The following ERLIN1 variants were observed in gnomAD, a reference collection of about 807,000 sequenced individuals.
ERLIN1 encodes erlin-1.
A neutral mutation model predicts 46.9 loss-of-function variants in ERLIN1; 24 were observed. The observed-to-expected ratio is 0.51, with a 90% CI of 0.37 to 0.72. ERLIN1 has a LOEUF of 0.72. Ranked by LOEUF, ERLIN1 falls within the 30% of genes least tolerant of loss-of-function variation. The probability of loss-of-function intolerance (pLI) is 0.00; values close to 1 mark genes in which losing one functional copy is unlikely to be tolerated. For missense variants in ERLIN1, 293 were observed against 417.9 expected (o/e 0.70, Z 2.61); for synonymous variants, 158 against 143.2 (o/e 1.10, Z -0.74).
chr10:100,183,418 A>T (rs1844775203), intron 2 of ERLIN1, among the ~76,000 whole-genome samples: 1 of 152,224 alleles, frequency 6.6e-6, no homozygotes, highest in South Asian at 2.1e-4. Flanking sequence ...CACTGTTCTA[A>T]ACCACATAAT....
intron 7 of ERLIN1, among the ~76,000 whole-genome samples, chr10:100,164,666 G>A (rs1843535665): frequency 6.6e-6 from 1 of 152,160 alleles, no homozygotes; most frequent in African/African-American, 2.4e-5. Flanking sequence ...TCTAATACAG[G>A]TTGAGCATTT....
chr10:100,154,702 T>C (rs1008269715), intron 10 of ERLIN1, among the ~76,000 whole-genome samples, 158 bp downstream of exon 10: 1 of 152,226 alleles, frequency 6.6e-6, no homozygotes, highest in African/African-American at 2.4e-5. Flanking sequence ...CCAATCAATG[T>C]GAAATATTTC....
chr10:100,175,751 GT>G (rs1844257513), intron 5 of ERLIN1, among the ~76,000 whole-genome samples, 193 bp downstream of exon 5: 1 of 152,094 alleles, frequency 6.6e-6, no homozygotes, highest in Non-Finnish European at 1.5e-5. Flanking sequence ...AGTCTGAGTA[GT>G]TTTTCCAATC....
At chr10:100,169,091 A>T (rs966608646) in intron 6 of ERLIN1, among the ~76,000 whole-genome samples, 2 of 152,238 alleles carry the variant, frequency 1.3e-5, no homozygotes, top group African/African-American at 4.8e-5. Flanking sequence ...ATGTGAAAAC[A>T]TAAACACTTA....
At chr10:100,184,707 A>C (rs1844860263) in intron 1 of ERLIN1, among the ~76,000 whole-genome samples, 1 of 152,136 alleles carries the variant, frequency 6.6e-6, no homozygotes. Flanking sequence ...CTAATCTGTA[A>C]TTTCTTATGT....
chr10:100,163,166 A>C (rs1001607713), intron 8 of ERLIN1, among the ~76,000 whole-genome samples: 2 of 152,220 alleles, frequency 1.3e-5, no homozygotes, highest in African/African-American at 4.8e-5. Context: ...AAATAAGGCA[A>C]GTTGTAAAAT....
chr10:100,157,146 C>T (rs1293387592), intron 8 of ERLIN1, among the ~76,000 whole-genome samples: 1 of 152,182 alleles, frequency 6.6e-6, no homozygotes, highest in South Asian at 2.1e-4. Flanking sequence ...GGCTAGGAGA[C>T]CTCTGTCTTG....
chr10:100,179,135 C>T (rs1844485054), intron 3 of ERLIN1, 66 bp downstream of exon 3: 1 of 1,224,472 alleles, frequency 8.2e-7, no homozygotes, highest in Non-Finnish European at 1.2e-6. Flanking sequence ...TCTAAGTGAT[C>T]ATAGCTGTAG....
At position 100,150,645 on chromosome 10, in the gene ERLIN1, T is replaced by G. The variant is rs953238444; in HGVS notation, c.*1486A>C. 1 of 152,616 alleles carries G rather than the reference T, an allele frequency of 6.6e-6. No individual in the cohort carries two copies. Among genetic ancestry groups the G allele is most frequent in the African/African-American group, 2.4e-5 (1 of 41,444 alleles). The allele number at this position is 152,616 out of a possible 1,614,324, so 9.5% of individuals were successfully genotyped here. A position where few individuals can be genotyped will look rare whatever the true frequency, so the allele number is the denominator to read the frequency against. ...GCTTTCCTTTCCCAAATAAAGTGTT[T>G]GGCACAACCAACAAACTGTCATGAG... On this transcript the variant is annotated 3_prime_UTR_variant, in exon 11 of 11. Transcript: ENST00000421367.
intron 2 of ERLIN1, among the ~76,000 whole-genome samples, chr10:100,181,560 G>A (rs181109276): frequency 6.8e-6 from 1 of 147,438 alleles, no homozygotes; most frequent in Non-Finnish European, 1.5e-5. Flanking sequence ...TGTTGCCCAG[G>A]CTGGAGTGCA....
intron 8 of ERLIN1, among the ~76,000 whole-genome samples, chr10:100,159,546 AT>A: frequency 6.6e-6 from 1 of 152,292 alleles, no homozygotes; most frequent in Admixed American, 6.5e-5. Flanking sequence ...TTCAATAAAT[AT>A]TTAAGAATCC....
At chr10:100,154,351 G>A (rs1471359120) in intron 10 of ERLIN1, among the ~76,000 whole-genome samples, 1 of 152,166 alleles carries the variant, frequency 6.6e-6, no homozygotes, top group African/African-American at 2.4e-5. Flanking sequence ...AGGGGCATAT[G>A]GAAATACATG....
chr10:100,156,783 C>T (rs1843102782), intron 8 of ERLIN1, among the ~76,000 whole-genome samples: 1 of 152,170 alleles, frequency 6.6e-6, no homozygotes, highest in Non-Finnish European at 1.5e-5. Context: ...GAGGCTGAGG[C>T]AGGAGGATCT....
chr10:100,180,855 G>C (rs944883747), intron 2 of ERLIN1, among the ~76,000 whole-genome samples: 1 of 152,194 alleles, frequency 6.6e-6, no homozygotes, highest in African/African-American at 2.4e-5. Flanking sequence ...AAGAAAACCA[G>C]CTGGGAGGCT....
intron 6 of ERLIN1, among the ~76,000 whole-genome samples, chr10:100,169,133 A>G (rs1326189260): frequency 6.6e-6 from 1 of 152,172 alleles, no homozygotes; most frequent in Non-Finnish European, 1.5e-5. Flanking sequence ...GTTGCATCAA[A>G]AGAGATTTTA....
chr10:100,166,174 C>G (rs1161537157), intron 7 of ERLIN1, among the ~76,000 whole-genome samples: 1 of 152,130 alleles, frequency 6.6e-6, no homozygotes, highest in Admixed American at 6.5e-5. Context: ...AATCCCAGTA[C>G]TTTGGGAGGC....
intron 7 of ERLIN1, among the ~76,000 whole-genome samples, chr10:100,164,465 C>T (rs1843526344): frequency 1.3e-5 from 2 of 152,204 alleles, no homozygotes; most frequent in South Asian, 2.1e-4. Flanking sequence ...AAAACGGCAC[C>T]AGCCGTTTCT....
At chr10:100,155,406 C>A (rs1484867729) in intron 9 of ERLIN1, among the ~76,000 whole-genome samples, 1 of 151,566 alleles carries the variant, frequency 6.6e-6, no homozygotes, top group African/African-American at 2.4e-5. Flanking sequence ...TATGTGAAAT[C>A]AAGTAGTGTG....
intron 6 of ERLIN1, 58 bp from the exon 7 acceptor site, chr10:100,167,464 ATCT>A (rs1209042168): frequency 2.1e-6 from 3 of 1,401,824 alleles, no homozygotes; most frequent in African/African-American, 1.4e-5. Flanking sequence ...TTCAAATTAA[ATCT>A]TCTACAGAAA....
Sources: allele counts gnomAD v4.1 joint callset (sites outside exome capture counted in the v4.1 genomes callset), GRCh38; gene constraint gnomAD v4.1.1; transcripts MANE v1.5; gene names NCBI Gene and HGNC (gene_info 2026-07-23, HGNC 2026-07-21).